Variants in CSMD3 observed in about 807,000 individuals in gnomAD.
CSMD3 encodes CUB and Sushi multiple domains 3.
CSMD3 carries 177 observed loss-of-function variants against 435.2 expected under a neutral mutation model. The observed-to-expected ratio is 0.41, with a 90% confidence interval of 0.36 to 0.46. The LOEUF (loss-of-function observed/expected upper bound fraction) is 0.46, where lower values mean the gene tolerates loss of function less well. CSMD3 is among the 20% of genes least tolerant of loss of function. The pLI, the probability that CSMD3 is intolerant of heterozygous loss-of-function variation, is 0.34. For missense variants in CSMD3, 4,265 were observed against 4,504.6 expected (o/e 0.95, Z 1.52); for synonymous variants, 1,656 against 1,520.5 (o/e 1.09, Z -2.07).
chr8:112,725,795 C>G (rs2076951700), intron 13 of CSMD3, among the ~76,000 whole-genome samples: 1 of 151,826 alleles, frequency 6.6e-6, no homozygotes, highest in Non-Finnish European at 1.5e-5. Flanking sequence ...AATTTCAATC[C>G]ATAAAGTATT....
At chr8:112,511,543 C>A (rs1823137612) in intron 28 of CSMD3, among the ~76,000 whole-genome samples, 1 of 151,986 alleles carries the variant, frequency 6.6e-6, no homozygotes, top group Non-Finnish European at 1.5e-5. Flanking sequence ...GCGCCTGCCA[C>A]CATGCCTGGC....
At chr8:113,380,496 G>T (rs925908601) in intron 1 of CSMD3, among the ~76,000 whole-genome samples, 2 of 152,038 alleles carry the variant, frequency 1.3e-5, no homozygotes, top group African/African-American at 4.8e-5. Context: ...TACTGTAAAT[G>T]CCCTTTATTG....
intron 13 of CSMD3, among the ~76,000 whole-genome samples, chr8:112,779,625 T>A (rs2078333247): frequency 6.6e-6 from 1 of 152,058 alleles, no homozygotes; most frequent in African/African-American, 2.4e-5. Context: ...GTCAGCACCA[T>A]CAAAGTGTCC....
At chr8:113,400,109 C>G (rs115532329) in intron 1 of CSMD3, among the ~76,000 whole-genome samples, 1 of 151,960 alleles carries the variant, frequency 6.6e-6, no homozygotes, top group African/African-American at 2.4e-5. Flanking sequence ...GCAATATTAA[C>G]TTTCCAGATT....
chr8:113,413,583 G>C (rs1386767313), intron 1 of CSMD3, among the ~76,000 whole-genome samples: 1 of 152,098 alleles, frequency 6.6e-6, no homozygotes, highest in East Asian at 1.9e-4. Flanking sequence ...TCAGGGTTTT[G>C]TGAAATGATG....
rs2130756994 is a variant in CSMD3, at chr8:112,301,811, A to T, written c.8422T>A (p.Ser2808Thr). 1 of 1,613,836 alleles carries T rather than the reference A, an allele frequency of 6.2e-7. No individual in the cohort carries two copies. Among genetic ancestry groups the T allele is most frequent in the Non-Finnish European group, 8.5e-7 (1 of 1,179,846 alleles). Residue 2808 changes from serine to threonine, a missense_variant, in exon 53 of 71, where the codon TCT becomes ACT. Physicochemically the swap from Ser to Thr is moderately conservative, Grantham distance 58. Around this residue, in one of 3 missense-constraint regions of CSMD3, gnomAD observed 3,255 missense variants for 3,380.2 expected, o/e 0.96. Transcript: ENST00000297405. ...ECLSSGLWSE[S>T]ETRCLAGHCG... ...TCTGTACCTAGGCATCTGGTTTCAG[A>T]TTCACTCCAAAGACCTGAGGAAAGG...
rs544596129 is a variant in CSMD3 at position 113,187,387 on chromosome 8, G to A, written c.515-13471C>T. ...ACCTCAGAACAGTGAAAAGAGACTG[G>A]AAAAAAAATCACCTAAAATTGTAAT... On this transcript the variant is annotated intron_variant, in intron 3 of 70. Transcript: ENST00000297405. Among the ~76,000 whole-genome samples, 3 of 151,408 alleles carry A rather than the reference G, an allele frequency of 2.0e-5. No homozygotes were observed. The South Asian group carries it at 6.3e-4, about 32-fold the overall frequency.
intron 32 of CSMD3, among the ~76,000 whole-genome samples, chr8:112,446,005 A>G (rs1043797487): frequency 1.3e-5 from 2 of 152,208 alleles, no homozygotes; most frequent in Non-Finnish European, 2.9e-5. Context: ...AGAGGTAAAC[A>G]CATATCTTTT....
In CSMD3 at chr8:112,473,749, T is replaced by A. The variant is rs1318187943; in HGVS notation, c.5279-1042A>T. On this transcript the variant is annotated intron_variant, in intron 31 of 70. Transcript: ENST00000297405. ...TTTTTTTTTTTTTTTTTTTAACACC[T>A]TGCCATCTGGCCCTGCTCCTTCACC... Among the ~76,000 whole-genome samples the A allele has an allele frequency of 3.5e-5, 5 of 141,986 alleles. No individual in the cohort carries two copies. The Admixed American group carries it at 3.7e-4, about 11-fold the overall frequency. 93.1% of individuals were successfully genotyped at this position (141,986 alleles called of 152,430 possible).
chr8:112,977,218 C>CA (rs1239865622), intron 6 of CSMD3, among the ~76,000 whole-genome samples: 5 of 151,220 alleles, frequency 3.3e-5, no homozygotes, highest in South Asian at 4.2e-4. Context: ...CAGCAACAAC[C>CA]AAAAAAAATA....
intron 3 of CSMD3, among the ~76,000 whole-genome samples, chr8:113,187,139 G>GT (rs906645392): frequency 1.2e-3 from 175 of 147,842 alleles, no homozygotes; most frequent in African/African-American, 3.3e-3. Flanking sequence ...TTTGCTGGGA[G>GT]TTTTTTTTTT....
chr8:112,302,787 T>G (rs535093888), intron 52 of CSMD3, among the ~76,000 whole-genome samples: 1 of 151,900 alleles, frequency 6.6e-6, no homozygotes, highest in East Asian at 1.9e-4. Flanking sequence ...AAATTTAAAA[T>G]GTACTGATGA....
intron 32 of CSMD3, among the ~76,000 whole-genome samples, chr8:112,471,304 T>C (rs984509190): frequency 6.6e-6 from 1 of 152,136 alleles, no homozygotes; most frequent in Non-Finnish European, 1.5e-5. Context: ...CATGTAACAT[T>C]TTTTTGCATC....
intron 27 of CSMD3, among the ~76,000 whole-genome samples, chr8:112,540,788 T>C (rs1378736766): frequency 1.3e-5 from 2 of 151,948 alleles, no homozygotes; most frequent in Admixed American, 6.6e-5. Flanking sequence ...AATTGCAGCA[T>C]TCCAATGGGA....
rs1563804881 is a variant in CSMD3, at chr8:112,335,453, T to G, written c.7041A>C (p.Ser2347=). ...TGCCACTGAACTGACCGATCTGAGGTGAATTTTGGTCTGGTCCATCCCTAT... is the reference window on the plus strand; with the variant it reads ...TGCCACTGAACTGACCGATCTGAGGGGAATTTTGGTCTGGTCCATCCCTAT... The part of the protein sequence containing the change: ...ITVWDGPDQN[S]PQIGQFSGNT... Residue 2347 remains serine (S), a synonymous_variant, in exon 45 of 71, where the codon TCA becomes TCC. Transcript: ENST00000297405. 2 of 1,613,892 alleles carry G rather than the reference T, an allele frequency of 1.2e-6. No homozygotes were observed. Among genetic ancestry groups the G allele is most frequent in the Non-Finnish European group, 1.7e-6 (2 of 1,179,958 alleles).
At chr8:112,824,346 T>C (rs2079614903) in intron 12 of CSMD3, among the ~76,000 whole-genome samples, 1 of 152,242 alleles carries the variant, frequency 6.6e-6, no homozygotes, top group African/African-American at 2.4e-5. Context: ...CCTGTCATCA[T>C]GACGCTATCT....
chr8:113,332,677 T>A (rs917650914), intron 1 of CSMD3, among the ~76,000 whole-genome samples: 3 of 151,798 alleles, frequency 2.0e-5, no homozygotes, highest in Admixed American at 1.3e-4. Flanking sequence ...GAAGGCAACA[T>A]TTTCAAGAGG....
chr8:112,750,320 C>G (rs1233177994), intron 13 of CSMD3, among the ~76,000 whole-genome samples: 1 of 150,780 alleles, frequency 6.6e-6, no homozygotes, highest in Non-Finnish European at 1.5e-5. Context: ...AGTATAATTC[C>G]ATAATTATAA....
chr8:112,695,575 C>T lies in CSMD3; in HGVS notation c.1973-5525G>A, dbSNP rs539971191. Among the ~76,000 whole-genome samples, 209 of 152,148 alleles carry T rather than the reference C, an allele frequency of 1.4e-3. 1 individual carries two copies. Among genetic ancestry groups the T allele is most frequent in the African/African-American group, 4.3e-3 (180 of 41,516 alleles). ...CTCAATAAATTATGTATTGATGGGA[C>T]GTATCTAAAAATAATAAGAGCTATC... On this transcript the variant is annotated intron_variant, in intron 13 of 70. Coordinates refer to ENST00000297405, the MANE Select transcript of CSMD3 (RefSeq NM_198123.2).
Sources: gnomAD v4.1 joint callset for allele counts (sites outside exome capture counted in the v4.1 genomes callset) on GRCh38, gnomAD v4.1.1 for gene constraint, gnomAD v4.1.1 regional missense constraint, MANE v1.5 for transcripts, NCBI Gene and HGNC (gene_info 2026-07-23, HGNC 2026-07-21) for gene names.